Variants in COL21A1 observed in about 807,000 individuals in gnomAD.
The protein encoded by COL21A1 is collagen type XXI alpha 1 chain, also known as collagen alpha-1(XXI) chain.
Under a neutral mutation model 137.9 loss-of-function variants are expected in COL21A1, and 149 were observed. The observed-to-expected ratio is 1.08, with a 90% CI of 0.95 to 1.24. The LOEUF is 1.24. COL21A1 is among the 50% of genes most tolerant of loss of function. The pLI, the probability that COL21A1 is intolerant of heterozygous loss-of-function variation, is 0.00. For synonymous variants in COL21A1, 456 were observed against 391.5 expected (o/e 1.16, Z -1.95); for missense variants, 1,167 against 1,158.4 (o/e 1.01, Z -0.11).
rs550141156 is a variant in COL21A1 at position 56,326,979 on chromosome 6, A to T, written c.-39+66992T>A. On this transcript the variant is annotated intron_variant, in intron 1 of 28. Transcript: ENST00000370819. The stretch of plus-strand genomic sequence containing the variant: ...GGGGGAATTCTTACATACCAATTAT[A>T]TATTTAGGAAATGACTTATAGAGAC... Among the ~76,000 whole-genome samples, 9 of 152,166 alleles carry T rather than the reference A, an allele frequency of 5.9e-5. 1 individual carries two copies. Among genetic ancestry groups the T allele is most frequent in the African/African-American group, 2.2e-4 (9 of 41,550 alleles).
chr6:56,375,675 TG>T (rs2093997689), intron 1 of COL21A1, among the ~76,000 whole-genome samples: 1 of 152,204 alleles, frequency 6.6e-6, no homozygotes, highest in Non-Finnish European at 1.5e-5. Flanking sequence ...TCACATCATT[TG>T]TTCATGCCAT....
At chr6:56,295,778 A>G (rs1036944255) in intron 1 of COL21A1, among the ~76,000 whole-genome samples, 4 of 151,814 alleles carry the variant, frequency 2.6e-5, no homozygotes, top group Admixed American at 2.6e-4. Context: ...CTTTTTATTA[A>G]CCTTATATCC....
chr6:56,133,462 T>C (rs1773729648), intron 12 of COL21A1, among the ~76,000 whole-genome samples: 1 of 147,770 alleles, frequency 6.8e-6, no homozygotes. Flanking sequence ...TGAAGTAGAG[T>C]ATAAAATTTG....
chr6:56,177,197 A>G (rs577606096), intron 3 of COL21A1, among the ~76,000 whole-genome samples: 3 of 152,274 alleles, frequency 2.0e-5, no homozygotes, highest in Admixed American at 1.3e-4. Flanking sequence ...CAGAGAAAGG[A>G]GAGTATTAGA....
chr6:56,293,113 A>G (rs1365944511), intron 1 of COL21A1, among the ~76,000 whole-genome samples: 1 of 152,192 alleles, frequency 6.6e-6, no homozygotes, highest in Non-Finnish European at 1.5e-5. Context: ...CATTGAATCT[A>G]CAGTGAAAGC....
intron 1 of COL21A1, among the ~76,000 whole-genome samples, chr6:56,367,742 T>G (rs965946236): frequency 6.6e-6 from 1 of 152,212 alleles, no homozygotes; most frequent in African/African-American, 2.4e-5. Flanking sequence ...TGTTTTTTTG[T>G]ATTTCTTTGT....
At chr6:56,290,003 G>C (rs527585681) in intron 1 of COL21A1, among the ~76,000 whole-genome samples, 1 of 152,104 alleles carries the variant, frequency 6.6e-6, no homozygotes, top group South Asian at 2.1e-4. Context: ...AATATGAGGC[G>C]GTTCCTAATC....
intron 7 of COL21A1, among the ~76,000 whole-genome samples, chr6:56,165,554 A>G (rs9296831): frequency 0.53 from 79,889 of 152,084 alleles, 21,305 homozygotes; most frequent in East Asian, 0.73. Context: ...TAGCTTATTA[A>G]CACTTTTAAA....
chr6:56,305,272 A>C (rs1764415121), intron 1 of COL21A1, among the ~76,000 whole-genome samples: 1 of 152,004 alleles, frequency 6.6e-6, no homozygotes, highest in African/African-American at 2.4e-5. Flanking sequence ...AGCTGAGTTC[A>C]ATTCCTGCAT....
At chr6:56,325,769 T>TTTATATAATA (rs1765050311) in intron 1 of COL21A1, among the ~76,000 whole-genome samples, 1 of 6,196 alleles carries the variant, frequency 1.6e-4, no homozygotes, top group Non-Finnish European at 2.9e-4. Flanking sequence ...TATTATATAT[T>TTTATATAATA]ATATATATTT....
intron 16 of COL21A1, among the ~76,000 whole-genome samples, chr6:56,120,638 A>G (rs925119516): frequency 6.6e-6 from 1 of 152,126 alleles, no homozygotes; most frequent in African/African-American, 2.4e-5. Context: ...TACTAAAAAT[A>G]CAAAAATTAG....
At chr6:56,126,421 A>C (rs1773053740) in intron 12 of COL21A1, 1 of 350,772 alleles carries the variant, frequency 2.9e-6, no homozygotes, top group Admixed American at 4.8e-5. Context: ...ATTCTGAAAA[A>C]GTCTTAGGCT....
At chr6:56,186,589 T>G (rs756288745) in intron 1 of COL21A1, among the ~76,000 whole-genome samples, 1 of 152,076 alleles carries the variant, frequency 6.6e-6, no homozygotes, top group Non-Finnish European at 1.5e-5. Flanking sequence ...AACGTGATAA[T>G]CTACATAGAA....
intron 24 of COL21A1, among the ~76,000 whole-genome samples, chr6:56,063,526 A>T (rs73457066): frequency 0.016 from 2,446 of 152,182 alleles, 61 homozygotes; most frequent in African/African-American, 0.054. Flanking sequence ...AAACTGAAAG[A>T]CATTTTATTG....
intron 1 of COL21A1, chr6:56,276,599 G>A: frequency 7.0e-7 from 1 of 1,422,438 alleles, no homozygotes; most frequent in East Asian, 2.3e-5. Flanking sequence ...GAGAACGCCA[G>A]GGTATTCTGG....
At chr6:56,074,635 T>C (rs1342102411) in intron 19 of COL21A1, among the ~76,000 whole-genome samples, 5 of 151,396 alleles carry the variant, frequency 3.3e-5, no homozygotes, top group Non-Finnish European at 7.4e-5. Flanking sequence ...GGTGTCTTCA[T>C]AGATGTTATC....
intron 17 of COL21A1, among the ~76,000 whole-genome samples, chr6:56,089,111 C>T (rs574185629): frequency 3.3e-4 from 50 of 152,168 alleles, no homozygotes; most frequent in African/African-American, 1.2e-3. Flanking sequence ...TACTGTAATA[C>T]ACAATTTATT....
chr6:56,074,982 G>GA (rs67244889), intron 19 of COL21A1, among the ~76,000 whole-genome samples: 941 of 39,314 alleles, frequency 0.024, 5 homozygotes, highest in Non-Finnish European at 0.048. Context: ...GTTAAAATTT[G>GA]GGGGGGGATT....
chr6:56,274,967 C>A (rs1264882359), intron 1 of COL21A1, among the ~76,000 whole-genome samples: 4 of 151,744 alleles, frequency 2.6e-5, no homozygotes, highest in African/African-American at 9.7e-5. Context: ...AAAACAATAC[C>A]ATAAAGCTAC....
Sources: gnomAD v4.1 joint callset for allele counts (sites outside exome capture counted in the v4.1 genomes callset) on GRCh38, gnomAD v4.1.1 for gene constraint, MANE v1.5 for transcripts, NCBI Gene and HGNC (gene_info 2026-07-23, HGNC 2026-07-21) for gene names.